NRDC: variants seen among roughly 807,000 people sequenced by gnomAD.
NRDC encodes nardilysin convertase, also known as nardilysin.
NRDC carries 54 observed loss-of-function variants against 147.1 expected under a neutral mutation model. The ratio of observed to expected loss-of-function variants is 0.37; its 90% CI spans 0.29 to 0.46. The LOEUF (loss-of-function observed/expected upper bound fraction) is 0.46, where lower values mean the gene tolerates loss of function less well. Among genes scored for constraint, NRDC ranks in the 20% least tolerant of loss-of-function variants. The pLI, the probability that NRDC is intolerant of heterozygous loss-of-function variation, is 1.00. For missense variants in NRDC, 1,082 were observed against 1,370.6 expected (o/e 0.79, Z 3.33); for synonymous variants, 440 against 482.1 (o/e 0.91, Z 1.14).
chr1:51,830,030 T>A (rs1441907644), intron 4 of NRDC, among the ~76,000 whole-genome samples: 1 of 149,682 alleles, frequency 6.7e-6, no homozygotes, highest in Non-Finnish European at 1.5e-5. Flanking sequence ...AGTGGCACTA[T>A]CTCGGCTCAC....
intron 2 of NRDC, among the ~76,000 whole-genome samples, chr1:51,838,680 A>C (rs1249890932): frequency 6.6e-6 from 1 of 152,230 alleles, no homozygotes; most frequent in Non-Finnish European, 1.5e-5. Context: ...CGCAGAAAGA[A>C]AGGAACAGAG....
intron 17 of NRDC, among the ~76,000 whole-genome samples, chr1:51,807,323 C>T (rs192799061): frequency 6.6e-6 from 1 of 152,118 alleles, no homozygotes; most frequent in African/African-American, 2.4e-5. Flanking sequence ...TCAAACTTGT[C>T]CTTTTGGTTA....
At chr1:51,825,892 A>G (rs1225163710) in intron 5 of NRDC, among the ~76,000 whole-genome samples, 1 of 152,190 alleles carries the variant, frequency 6.6e-6, no homozygotes, top group East Asian at 1.9e-4. Flanking sequence ...TTAATCCCCA[A>G]TGTGATGGTA....
chr1:51,822,636 G>T (rs1680261043), intron 7 of NRDC, among the ~76,000 whole-genome samples: 1 of 152,110 alleles, frequency 6.6e-6, no homozygotes, highest in Non-Finnish European at 1.5e-5. Flanking sequence ...GAATACAAAA[G>T]AAACAGAATA....
intron 15 of NRDC, 86 bp downstream of exon 15, chr1:51,811,908 G>T: frequency 2.5e-6 from 2 of 815,684 alleles, no homozygotes; most frequent in Non-Finnish European, 4.0e-6. Flanking sequence ...AGTTTTCTTC[G>T]TTCCCATGGT....
chr1:51,802,099 CTTAA>C (rs1679238027), intron 20 of NRDC, among the ~76,000 whole-genome samples: 1 of 152,020 alleles, frequency 6.6e-6, no homozygotes, highest in Non-Finnish European at 1.5e-5. Flanking sequence ...GGTTTTTATA[CTTAA>C]TTAATTTCCT....
intron 20 of NRDC, among the ~76,000 whole-genome samples, chr1:51,802,020 C>T (rs1473964866): frequency 6.6e-6 from 1 of 152,126 alleles, no homozygotes; most frequent in Non-Finnish European, 1.5e-5. Context: ...ATCTCCTGAC[C>T]TCGTGATCCG....
intron 21 of NRDC, among the ~76,000 whole-genome samples, chr1:51,800,233 A>G (rs867054012): frequency 6.6e-6 from 1 of 152,142 alleles, no homozygotes; most frequent in Non-Finnish European, 1.5e-5. Context: ...TCAGCTTCTC[A>G]AAGTGCTGGG....
chr1:51,794,841 A>G lies in NRDC; in HGVS notation c.2618T>C (p.Phe873Ser), dbSNP rs1165807419. ...TACTTACTCAACAACATATTTCAGG[A>G]AATCCATAGATTCCTAAGAGGCAAA... ...GNVTSTESMDFLKYVVDKLNF... is the reference protein window; with the variant it reads ...GNVTSTESMDSLKYVVDKLNF... The change falls in exon 23 of 31, where the codon TTC (phenylalanine) becomes TCC (serine). Residue 873 changes from phenylalanine (F) to serine (S), a missense_variant. Physicochemically the swap from Phe to Ser is radical, Grantham distance 155 (BLOSUM62 -2). This residue lies in a region of NRDC where 635 missense variants were observed against 923.8 expected (regional missense o/e 0.69). Coordinates refer to ENST00000352171, the MANE Select transcript of NRDC (RefSeq NM_001101662.2). 3 of 1,614,018 alleles carry G rather than the reference A, an allele frequency of 1.9e-6. No homozygotes were observed. Among genetic ancestry groups the G allele is most frequent in the Non-Finnish European group, 2.5e-6 (3 of 1,180,020 alleles).
chr1:51,855,244 G>A (rs1302584696), intron 1 of NRDC, among the ~76,000 whole-genome samples: 1 of 152,104 alleles, frequency 6.6e-6, no homozygotes, highest in East Asian at 1.9e-4. Context: ...CATCGGGGAG[G>A]TCAGGATTTA....
At chr1:51,834,237 T>C in intron 3 of NRDC, 67 bp from the exon 4 acceptor site, 1 of 1,496,188 alleles carries the variant, frequency 6.7e-7, no homozygotes, top group East Asian at 2.3e-5. Context: ...ACACATGAAC[T>C]TTCTTATATG....
intron 1 of NRDC, among the ~76,000 whole-genome samples, chr1:51,859,072 C>T (rs1476017622): frequency 1.3e-5 from 2 of 152,094 alleles, no homozygotes; most frequent in Non-Finnish European, 2.9e-5. Flanking sequence ...AATTTTCTAC[C>T]TTATTTCACC....
intron 1 of NRDC, chr1:51,860,142 T>C: frequency 6.2e-6 from 1 of 161,712 alleles, no homozygotes. Context: ...AGATGACATC[T>C]ATGCTTCCCC....
At chr1:51,832,235 C>G (rs1316506161) in intron 4 of NRDC, among the ~76,000 whole-genome samples, 7 of 150,594 alleles carry the variant, frequency 4.6e-5, no homozygotes, top group African/African-American at 1.7e-4. Context: ...TTAGTAGAGA[C>G]AGGGTTTCAC....
rs1252156300 is a variant in NRDC, at chr1:51,840,214, CAT to C, written c.630+10_630+11del. ...AATTCCCAAATTAGAAGAAAACAGA[CAT>C]GACTCGCACCTGTTTTTCAGTAGTT... On this transcript the variant is annotated intron_variant, in intron 2 of 30. Coordinates refer to ENST00000352171, the MANE Select transcript of NRDC (RefSeq NM_001101662.2). The C allele has an allele frequency of 6.4e-7, 1 of 1,572,496 alleles. No homozygotes were observed. The highest frequency in any genetic ancestry group is 8.6e-7 in the Non-Finnish European group (1 of 1,163,296).
Position 51,802,200 on chromosome 1 carries a change from T to C in NRDC, c.2314-1517A>G, listed in dbSNP as rs1186331896. Among the ~76,000 whole-genome samples the C allele has an allele frequency of 2.0e-5, 3 of 152,194 alleles. 1 individual carries two copies. The highest frequency in any genetic ancestry group is 7.2e-5 in the African/African-American group (3 of 41,458). ...ACTATATTCATACAGTGGCTCTCCT[T>C]TGACTTGTGTTGTGGTGACTTATGA... On this transcript the variant is annotated intron_variant, in intron 20 of 30. Transcript: ENST00000352171.
At chr1:51,803,777 A>T (rs771341988) in intron 20 of NRDC, 37 bp downstream of exon 20, 6 of 1,543,478 alleles carry the variant, frequency 3.9e-6, no homozygotes, top group Non-Finnish European at 5.3e-6. Context: ...TGGTATTTTA[A>T]TGCTCTCTAT....
intron 1 of NRDC, among the ~76,000 whole-genome samples, chr1:51,852,941 T>C (rs1032401894): frequency 1.1e-4 from 16 of 152,050 alleles, no homozygotes; most frequent in African/African-American, 3.1e-4. Flanking sequence ...AAAGAATTCC[T>C]GGCCAGGCAC....
Position 51,810,400 on chromosome 1 carries a change from A to G in NRDC, c.1784T>C (p.Ile595Thr), listed in dbSNP as rs141666625. 1 of 1,611,000 alleles carries G rather than the reference A, an allele frequency of 6.2e-7. No homozygotes were observed. Among genetic ancestry groups the G allele is most frequent in the Non-Finnish European group, 8.5e-7 (1 of 1,178,540 alleles). Reference protein sequence around the residue: ...QLLFEYKPEVIGEALNQLVPQ... With the variant: ...QLLFEYKPEVTGEALNQLVPQ... ...AACTAGCTGATTCAAGGCTTCACCAATGACCTAGTAAAGTGGGAAGAGGGG... is the reference window on the plus strand; with the variant it reads ...AACTAGCTGATTCAAGGCTTCACCAGTGACCTAGTAAAGTGGGAAGAGGGG... Residue 595 changes from isoleucine to threonine, a missense_variant, in exon 16 of 31, where the codon ATT becomes ACT. By Grantham distance (89) the Ile-to-Thr change is moderately conservative. This residue lies in a region of NRDC where 635 missense variants were observed against 923.8 expected (regional missense o/e 0.69). Transcript: ENST00000352171.
Sources: allele counts gnomAD v4.1 joint callset (sites outside exome capture counted in the v4.1 genomes callset), GRCh38; gene constraint gnomAD v4.1.1; regional missense constraint gnomAD v4.1.1; transcripts MANE v1.5; gene names NCBI Gene and HGNC (gene_info 2026-07-23, HGNC 2026-07-21).